Variants in IMMT observed in about 807,000 individuals in gnomAD.
IMMT encodes the protein MICOS complex subunit MIC60.
Under a neutral mutation model 92.7 loss-of-function variants are expected in IMMT, and 40 were observed. The observed-to-expected ratio is 0.43, with a 90% CI of 0.34 to 0.56. The LOEUF is 0.56. IMMT is among the 20% of genes least tolerant of loss of function. The pLI is 0.03. For synonymous variants in IMMT, 322 were observed against 336.1 expected, an observed-to-expected ratio of 0.96 and a Z score of 0.46; for missense variants, 831 against 912.1, an observed-to-expected ratio of 0.91 and a Z score of 1.14.
intron 7 of IMMT, among the ~76,000 whole-genome samples, chr2:86,165,311 G>C (rs543348629): frequency 6.6e-6 from 1 of 152,056 alleles, no homozygotes; most frequent in Admixed American, 6.6e-5. Context: ...TTCCCATATC[G>C]GTAACCAGCA....
intron 3 of IMMT, among the ~76,000 whole-genome samples, chr2:86,178,317 C>CAAAAAAAAAA (rs58264892): frequency 1.1e-5 from 1 of 89,742 alleles, no homozygotes; most frequent in Non-Finnish European, 2.0e-5. Context: ...GACTCCATCT[C>CAAAAAAAAAA]AAAAAAAAAA....
chr2:86,193,929 CATA>C (rs1673349518), intron 1 of IMMT, among the ~76,000 whole-genome samples: 1 of 152,210 alleles, frequency 6.6e-6, no homozygotes, highest in South Asian at 2.1e-4. Context: ...GGTCTAATCA[CATA>C]AGCCTTTTAA....
rs1384952897 is a variant in IMMT, at chr2:86,147,925, A to C, written c.1402-92T>G. The C allele has an allele frequency of 3.9e-6, 5 of 1,280,166 alleles. No individual in the cohort carries two copies. In the African/African-American group the frequency reaches 4.4e-5, roughly 11 times the overall value. The allele number at this position is 1,280,166 out of a possible 1,614,324, so 79.3% of individuals were successfully genotyped here. A position where few individuals can be genotyped will look rare whatever the true frequency, so the allele number is the denominator to read the frequency against. ...GACCACTATCAACCATGACAACAGC[A>C]GCTTCCATATCCTGAACGCCTCTAA... On this transcript the variant is annotated intron_variant, in intron 12 of 14. Coordinates refer to ENST00000410111, the MANE Select transcript of IMMT (RefSeq NM_006839.3).
chr2:86,177,520 GA>G (rs1677510438), intron 3 of IMMT, among the ~76,000 whole-genome samples: 1 of 151,800 alleles, frequency 6.6e-6, no homozygotes, highest in South Asian at 2.1e-4. Context: ...AGAATTGCCA[GA>G]ACCCAGGAGG....
chr2:86,185,318 TAA>T (rs922980207), intron 1 of IMMT, among the ~76,000 whole-genome samples: 10 of 152,204 alleles, frequency 6.6e-5, no homozygotes, highest in East Asian at 3.9e-4. Context: ...AAAGGAAATA[TAA>T]AAGAGTCAGG....
intron 1 of IMMT, among the ~76,000 whole-genome samples, chr2:86,191,625 C>T (rs539911138): frequency 6.6e-6 from 1 of 152,092 alleles, no homozygotes; most frequent in East Asian, 1.9e-4. Context: ...ATCTTTCAGC[C>T]AGGCGCGGTG....
At chr2:86,178,624 T>C (rs1172627693) in intron 3 of IMMT, among the ~76,000 whole-genome samples, 1 of 151,608 alleles carries the variant, frequency 6.6e-6, no homozygotes, top group South Asian at 2.1e-4. Context: ...AGACTCCGTC[T>C]TGGAAAAAAA....
chr2:86,165,505 AGTGT>A (rs1468355738), intron 7 of IMMT, among the ~76,000 whole-genome samples: 1 of 152,248 alleles, frequency 6.6e-6, no homozygotes, highest in Non-Finnish European at 1.5e-5. Flanking sequence ...AACAATGTAA[AGTGT>A]GTGTAAAATT....
chr2:86,183,592 A>G (rs9646999), intron 1 of IMMT, among the ~76,000 whole-genome samples: 69,882 of 152,066 alleles, frequency 0.46, 16,610 homozygotes, highest in Non-Finnish European at 0.51. Context: ...AATAATTTTA[A>G]AAGTTTAAAT....
chr2:86,180,785 G>A (rs1288802168), intron 2 of IMMT, among the ~76,000 whole-genome samples: 2 of 151,846 alleles, frequency 1.3e-5, no homozygotes, highest in Non-Finnish European at 2.9e-5. Context: ...TACAGGGGAG[G>A]CTGAGGCAGA....
At chr2:86,179,082 A>T (rs1677650771) in intron 3 of IMMT, among the ~76,000 whole-genome samples, 1 of 151,970 alleles carries the variant, frequency 6.6e-6, no homozygotes, top group Admixed American at 6.6e-5. Context: ...CAAAAACAAA[A>T]ACAAACAAAA....
At chr2:86,154,040 T>G (rs2104749031) in intron 10 of IMMT, among the ~76,000 whole-genome samples, 1 of 152,174 alleles carries the variant, frequency 6.6e-6, no homozygotes, top group East Asian at 1.9e-4. Context: ...TTTTTGTACT[T>G]TTTTGTAGAG....
intron 2 of IMMT, 60 bp from the exon 3 acceptor site, chr2:86,179,682 T>C: frequency 2.2e-6 from 3 of 1,375,966 alleles, no homozygotes. Flanking sequence ...CCTATTTTCC[T>C]ATACCAATGT....
chr2:86,171,205 T>C lies in IMMT; in HGVS notation c.559+3A>G, dbSNP rs549367794. 92 of 1,580,380 alleles carry C rather than the reference T, an allele frequency of 5.8e-5. No homozygotes were observed. In the South Asian group the frequency reaches 1.0e-3, roughly 17 times the overall value. On this transcript the variant is annotated splice_donor_region_variant and intron_variant, in intron 5 of 14. Transcript: ENST00000410111. ...AAAGAACAAATAGAAATAATTAAAT[T>C]ACCTGAAAGTGCAGGTGTGGGTTTT...
rs529938667 is a variant in IMMT at position 86,146,069 on chromosome 2, C to G, written c.1662G>C (p.Gln554His). The G allele has an allele frequency of 1.3e-6, 2 of 1,566,346 alleles. No homozygotes were observed. Among genetic ancestry groups the G allele is most frequent in the African/African-American group, 1.3e-5 (1 of 74,212 alleles). ...ARLRGIEQAV[Q>H]SHAVAEEEAR... is the part of the protein sequence containing the mutation. ...AAGATAAACATAGCTTATGCTTACT[C>G]TGAACAGCCTGTTCGATTCCTCTGA... The change falls in exon 14 of 15, where the codon CAG (glutamine) becomes CAC (histidine). Residue 554 changes from glutamine to histidine, a missense_variant and splice_region_variant. Coordinates refer to ENST00000410111, the MANE Select transcript of IMMT (RefSeq NM_006839.3).
chr2:86,179,002 G>C (rs763330430), intron 3 of IMMT, among the ~76,000 whole-genome samples: 1 of 152,064 alleles, frequency 6.6e-6, no homozygotes, highest in Non-Finnish European at 1.5e-5. Context: ...CGGAGGTTGC[G>C]GTGAGGCGAG....
At position 86,171,346 on chromosome 2, in the gene IMMT, C is replaced by G. The variant is rs752598996; in HGVS notation, c.422-1G>C. On this transcript the variant is annotated splice_acceptor_variant, in intron 4 of 14. Transcript: ENST00000410111. LOFTEE classifies it high-confidence loss of function. ...ATAATTTGAGCCGCTTCTGTAGGTGCTATAAATATATGTTACTCATGGTAT... is the reference window on the plus strand; with the variant it reads ...ATAATTTGAGCCGCTTCTGTAGGTGGTATAAATATATGTTACTCATGGTAT... The G allele has an allele frequency of 5.0e-6, 8 of 1,609,488 alleles. No individual in the cohort carries two copies. Among genetic ancestry groups the G allele is most frequent in the Non-Finnish European group, 6.8e-6 (8 of 1,177,510 alleles).
chr2:86,166,968 G>C (rs1195404853), intron 6 of IMMT, among the ~76,000 whole-genome samples: 1 of 151,224 alleles, frequency 6.6e-6, no homozygotes, highest in Non-Finnish European at 1.5e-5. Flanking sequence ...CATGGTGGCG[G>C]GTGCCTGTAG....
intron 1 of IMMT, among the ~76,000 whole-genome samples, chr2:86,191,327 A>G (rs545508792): frequency 5.4e-5 from 8 of 148,966 alleles, no homozygotes; most frequent in Admixed American, 2.0e-4. Flanking sequence ...CCTGGGTGAC[A>G]GAGCAAGACC....
Sources: allele counts gnomAD v4.1 joint callset (sites outside exome capture counted in the v4.1 genomes callset), GRCh38; gene constraint gnomAD v4.1.1; transcripts MANE v1.5; gene names NCBI Gene and HGNC (gene_info 2026-07-23, HGNC 2026-07-21).